Variants in MAML2 observed in about 807,000 individuals in gnomAD.
MAML2 encodes mastermind-like protein 2.
MAML2 carries 22 observed loss-of-function variants against 96.1 expected under a neutral mutation model. The ratio of observed to expected loss-of-function variants is 0.23; its 90% CI spans 0.16 to 0.33. The LOEUF is 0.33. Among genes scored for constraint, MAML2 ranks in the 10% least tolerant of loss-of-function variants. The pLI, the probability that MAML2 is intolerant of heterozygous loss-of-function variation, is 1.00. For missense variants in MAML2, 1,367 were observed against 1,392.4 expected (o/e 0.98, Z 0.29); for synonymous variants, 561 against 521.3 (o/e 1.08, Z -1.04).
intron 4 of MAML2, among the ~76,000 whole-genome samples, chr11:95,984,802 G>C (rs1215639052): frequency 6.6e-6 from 1 of 152,168 alleles, no homozygotes; most frequent in African/African-American, 2.4e-5. Context: ...AAACCCAAGA[G>C]CGTAAACTTA....
chr11:96,057,091 A>G (rs572594140), intron 2 of MAML2, among the ~76,000 whole-genome samples: 2 of 152,306 alleles, frequency 1.3e-5, no homozygotes, highest in South Asian at 4.2e-4. Context: ...ACCCAGATCT[A>G]CAGTAGCAGA....
chr11:96,096,411 A>C (rs567543623), intron 1 of MAML2, among the ~76,000 whole-genome samples: 3 of 152,374 alleles, frequency 2.0e-5, no homozygotes, highest in Admixed American at 6.5e-5. Context: ...CACAACTCTC[A>C]GAATCTTCAC....
chr11:96,280,093 C>T (rs1383661246), intron 1 of MAML2, among the ~76,000 whole-genome samples: 1 of 152,216 alleles, frequency 6.6e-6, no homozygotes, highest in East Asian at 1.9e-4. Flanking sequence ...CAGACTCACA[C>T]ACAATCATTC....
At chr11:96,240,161 A>T (rs1252275325) in intron 1 of MAML2, among the ~76,000 whole-genome samples, 1 of 152,256 alleles carries the variant, frequency 6.6e-6, no homozygotes, top group East Asian at 1.9e-4. Flanking sequence ...CCATTAAAAT[A>T]AACCATTTCA....
intron 1 of MAML2, among the ~76,000 whole-genome samples, chr11:96,182,788 T>C (rs1861506137): frequency 6.6e-6 from 1 of 152,162 alleles, no homozygotes; most frequent in Admixed American, 6.5e-5. Context: ...CATTTCAACA[T>C]GCTCCTTGTC....
chr11:96,202,350 CA>C (rs3995542), intron 1 of MAML2, among the ~76,000 whole-genome samples: 12,223 of 107,496 alleles, frequency 0.11, 472 homozygotes, highest in Middle Eastern at 0.17. Context: ...GACTCCATCT[CA>C]AAAAAAAAAA....
intron 1 of MAML2, among the ~76,000 whole-genome samples, chr11:96,178,880 T>C (rs190093186): frequency 1.3e-5 from 2 of 152,278 alleles, no homozygotes; most frequent in East Asian, 1.9e-4. Flanking sequence ...GGCATGGCTA[T>C]TGGGGGAAGA....
At chr11:96,292,083 C>T (rs952850611) in intron 1 of MAML2, among the ~76,000 whole-genome samples, 4 of 152,200 alleles carry the variant, frequency 2.6e-5, no homozygotes, top group African/African-American at 7.2e-5. Context: ...ATTTCCTGCA[C>T]GTTATTGTCA....
chr11:96,252,209 G>T (rs1311288509), intron 1 of MAML2, among the ~76,000 whole-genome samples: 2 of 151,618 alleles, frequency 1.3e-5, no homozygotes, highest in African/African-American at 4.9e-5. Flanking sequence ...CACACACACA[G>T]ACATGTACAA....
chr11:96,328,486 G>GA lies in MAML2; in HGVS notation c.513+12896dup, dbSNP rs200299371. Among the ~76,000 whole-genome samples the GA allele has an allele frequency of 3.1e-3, 456 of 148,002 alleles. 4 individuals are homozygous for GA. The highest frequency in any genetic ancestry group is 0.01 in the African/African-American group (414 of 40,360). ...GCTAGTTACATCTTGCTCTGTTGTT[G>GA]AAAAAAAAAATGCTCGGGCTGGCCC... is the stretch of plus-strand genomic sequence containing the variant. On this transcript the variant is annotated intron_variant, in intron 1 of 4. Transcript: ENST00000524717.
At chr11:96,287,513 C>A (rs1323937300) in intron 1 of MAML2, among the ~76,000 whole-genome samples, 1 of 151,986 alleles carries the variant, frequency 6.6e-6, no homozygotes, top group Non-Finnish European at 1.5e-5. Context: ...CATTCTAAAG[C>A]AAAAATAAAC....
At chr11:96,213,253 T>C (rs1390643314) in intron 1 of MAML2, among the ~76,000 whole-genome samples, 2 of 152,152 alleles carry the variant, frequency 1.3e-5, no homozygotes, top group Non-Finnish European at 2.9e-5. Flanking sequence ...CTTCCTATTT[T>C]AAAAATGTGA....
At chr11:96,274,526 T>C (rs1862960521) in intron 1 of MAML2, among the ~76,000 whole-genome samples, 1 of 152,208 alleles carries the variant, frequency 6.6e-6, no homozygotes, top group Non-Finnish European at 1.5e-5. Flanking sequence ...TTGTCCTTAT[T>C]CCTTATGAAT....
At chr11:96,310,184 C>A (rs1183370321) in intron 1 of MAML2, among the ~76,000 whole-genome samples, 11 of 151,852 alleles carry the variant, frequency 7.2e-5, no homozygotes, top group Admixed American at 7.2e-4. Context: ...TGCAAAGAAG[C>A]CTACTATAAA....
rs1857795695 is a variant in MAML2, at chr11:95,984,532, C to G, written c.2455+999G>C. On this transcript the variant is annotated intron_variant, in intron 4 of 4. Coordinates refer to ENST00000524717, the MANE Select transcript of MAML2 (RefSeq NM_032427.4). The stretch of plus-strand genomic sequence containing the variant: ...CGAACTTTTGGGCTCAAGCAATCCT[C>G]CCACCTCTGCCTCCAGAATAGCTGG... Among the ~76,000 whole-genome samples the G allele has an allele frequency of 2.6e-5, 4 of 152,192 alleles. No homozygotes were observed. In the South Asian group the frequency reaches 6.2e-4, roughly 24 times the overall value.
chr11:96,080,568 G>C lies in MAML2; in HGVS notation c.2139+11324C>G, dbSNP rs569161135. On this transcript the variant is annotated intron_variant, in intron 2 of 4. Coordinates refer to ENST00000524717, the MANE Select transcript of MAML2 (RefSeq NM_032427.4). ...ATGAGTCAAGGTAAAATCCTTAGCA[G>C]CAAGTTTGGGTCCAGACTTCTTGTG... 2.4e-4 allele frequency among the ~76,000 whole-genome samples: 36 copies of C among 152,288 alleles called. No homozygotes were observed. In the South Asian group the frequency reaches 6.8e-3, roughly 29 times the overall value.
chr11:96,335,118 C>CT (rs1199132096), intron 1 of MAML2, among the ~76,000 whole-genome samples: 1 of 152,178 alleles, frequency 6.6e-6, no homozygotes, highest in Non-Finnish European at 1.5e-5. Context: ...GGGTCCCTTA[C>CT]TTTTCCCTTG....
At chr11:96,190,271 C>A (rs765271501) in intron 1 of MAML2, among the ~76,000 whole-genome samples, 33 of 152,128 alleles carry the variant, frequency 2.2e-4, no homozygotes, top group Non-Finnish European at 4.7e-4. Flanking sequence ...CCCAACAGCC[C>A]TAGAAAGGAA....
chr11:96,133,502 A>G (rs1439409000), intron 1 of MAML2, among the ~76,000 whole-genome samples: 1 of 152,208 alleles, frequency 6.6e-6, no homozygotes, highest in African/African-American at 2.4e-5. Context: ...TATTTTCCCT[A>G]TGAAAGACCT....
Sources: allele counts gnomAD v4.1 joint callset (sites outside exome capture counted in the v4.1 genomes callset), GRCh38; gene constraint gnomAD v4.1.1; transcripts MANE v1.5; gene names NCBI Gene and HGNC (gene_info 2026-07-23, HGNC 2026-07-21).